COMMD10: variants seen among roughly 807,000 people sequenced by gnomAD.
COMMD10 encodes COMM domain-containing protein 10.
A neutral mutation model predicts 28.9 loss-of-function variants in COMMD10; 33 were observed. That is an observed-to-expected ratio of 1.14 (90% confidence interval 0.87 to 1.53). The LOEUF (loss-of-function observed/expected upper bound fraction) is 1.53. Ranked by LOEUF, COMMD10 falls within the 40% of genes most tolerant of loss-of-function variation. The pLI, the probability that COMMD10 is intolerant of heterozygous loss-of-function variation, is 0.00. For synonymous variants in COMMD10, 110 were observed against 81.7 expected (o/e 1.35, Z -1.87); for missense variants, 310 against 233.4 (o/e 1.33, Z -2.14).
intron 4 of COMMD10, among the ~76,000 whole-genome samples, chr5:116,099,413 G>A (rs1467188435): frequency 8.6e-6 from 1 of 116,206 alleles, no homozygotes; most frequent in Non-Finnish European, 1.9e-5. Context: ...TGAACATGAG[G>A]GTGCAGATAT....
At chr5:116,145,850 C>T (rs946276629) in intron 5 of COMMD10, among the ~76,000 whole-genome samples, 3 of 151,904 alleles carry the variant, frequency 2.0e-5, no homozygotes, top group Non-Finnish European at 4.4e-5. Flanking sequence ...CTTGCTTCCT[C>T]TTCGCCTTCT....
intron 4 of COMMD10, among the ~76,000 whole-genome samples, chr5:116,128,903 T>C (rs6887852): frequency 0.32 from 47,831 of 151,780 alleles, 10,395 homozygotes; most frequent in African/African-American, 0.62. Flanking sequence ...TTGTGACTTT[T>C]GCAGAATATC....
intron 4 of COMMD10, among the ~76,000 whole-genome samples, chr5:116,097,444 A>G (rs1460177715): frequency 6.6e-6 from 1 of 152,162 alleles, no homozygotes; most frequent in Admixed American, 6.6e-5. Flanking sequence ...GTTGCCCATG[A>G]TTGTACAGCT....
intron 5 of COMMD10, among the ~76,000 whole-genome samples, chr5:116,216,463 G>C (rs1243049048): frequency 6.6e-6 from 1 of 152,140 alleles, no homozygotes. Context: ...ATTTTCACTA[G>C]AACTATTACA....
intron 5 of COMMD10, among the ~76,000 whole-genome samples, chr5:116,255,046 G>T (rs530509799): frequency 2.3e-3 from 344 of 149,718 alleles, no homozygotes; most frequent in African/African-American, 7.2e-3. Context: ...CCTTTAGCAG[G>T]ATGTAATGGC....
chr5:116,170,430 A>C (rs1433725505), intron 5 of COMMD10, among the ~76,000 whole-genome samples: 2 of 152,360 alleles, frequency 1.3e-5, no homozygotes, highest in Non-Finnish European at 2.9e-5. Context: ...TTGTAGATTC[A>C]GTGCCATCCC....
intron 5 of COMMD10, among the ~76,000 whole-genome samples, chr5:116,217,619 G>T (rs574302280): frequency 7.9e-5 from 12 of 152,322 alleles, no homozygotes; most frequent in Admixed American, 5.9e-4. Context: ...ATGACTGGAG[G>T]TCAGGTCCCA....
intron 4 of COMMD10, among the ~76,000 whole-genome samples, chr5:116,126,123 A>G (rs1037544566): frequency 6.6e-6 from 1 of 151,930 alleles, no homozygotes; most frequent in South Asian, 2.1e-4. Flanking sequence ...AGGCATTCCT[A>G]TACGCCAATA....
chr5:116,116,734 C>T lies in COMMD10; in HGVS notation c.400-17334C>T, dbSNP rs557329582. ...TTTTTTTTTTTTTTTTTTTTTGAGA[C>T]GGAGTCTCGCTCTGTCGCCCAGGCC... On this transcript the variant is annotated intron_variant, in intron 4 of 6. Transcript: ENST00000274458. 3.0e-5 allele frequency among the ~76,000 whole-genome samples: 4 copies of T among 133,142 alleles called. No individual in the cohort carries two copies. In the East Asian group the frequency reaches 7.0e-4, roughly 23 times the overall value. The allele number at this position is 133,142 out of a possible 152,430, so 87.3% of individuals were successfully genotyped here. A position where few individuals can be genotyped will look rare whatever the true frequency, so the allele number is the denominator to read the frequency against.
chr5:116,089,201 G>A (rs941843200), intron 2 of COMMD10, among the ~76,000 whole-genome samples: 7 of 152,234 alleles, frequency 4.6e-5, no homozygotes, highest in Admixed American at 6.5e-5. Flanking sequence ...CATCTAATCC[G>A]TATGGCAACT....
At chr5:116,286,087 T>C (rs748851293) in intron 5 of COMMD10, among the ~76,000 whole-genome samples, 3 of 151,838 alleles carry the variant, frequency 2.0e-5, no homozygotes, top group Non-Finnish European at 4.4e-5. Flanking sequence ...GATTTAGTCT[T>C]AGTAGGTTGT....
rs569419772 is a variant in COMMD10, at chr5:116,145,637, A to G, written c.510+11459A>G. Among the ~76,000 whole-genome samples, 6 of 151,914 alleles carry G rather than the reference A, an allele frequency of 3.9e-5. No individual in the cohort carries two copies. In the East Asian group the frequency reaches 1.2e-3, roughly 30 times the overall value. On this transcript the variant is annotated intron_variant, in intron 5 of 6. Coordinates refer to ENST00000274458, the MANE Select transcript of COMMD10 (RefSeq NM_016144.4). ...GGCTTTGTGTCTGCACCCAGATCTCATCTTGAATTGCAATCCTCACAATCC... is the reference window on the plus strand; with the variant it reads ...GGCTTTGTGTCTGCACCCAGATCTCGTCTTGAATTGCAATCCTCACAATCC...
At chr5:116,136,636 A>T (rs1422646994) in intron 5 of COMMD10, among the ~76,000 whole-genome samples, 2 of 152,202 alleles carry the variant, frequency 1.3e-5, no homozygotes, top group African/African-American at 2.4e-5. Flanking sequence ...TAAGACAGCC[A>T]TGTTAATAAG....
intron 5 of COMMD10, among the ~76,000 whole-genome samples, chr5:116,271,935 AGATCTGACAT>A (rs1750771159): frequency 6.6e-6 from 1 of 151,884 alleles, no homozygotes; most frequent in South Asian, 2.1e-4. Flanking sequence ...TTGTTAGCTC[AGATCTGACAT>A]GAAAGTAAAA....
chr5:116,109,051 A>G (rs991825807), intron 4 of COMMD10, among the ~76,000 whole-genome samples: 2 of 152,120 alleles, frequency 1.3e-5, no homozygotes, highest in East Asian at 3.9e-4. Context: ...TCCCAGTGAG[A>G]TGAACTGGGT....
At position 116,129,382 on chromosome 5, in the gene COMMD10, T is replaced by C. The variant is rs6862620; in HGVS notation, c.400-4686T>C. Among the ~76,000 whole-genome samples, 1,004 of 138,596 alleles carry C rather than the reference T, an allele frequency of 7.2e-3. 21 individuals carry two copies. The highest frequency in any genetic ancestry group is 0.045 in the East Asian group (183 of 4,086). The allele number at this position is 138,596 out of a possible 152,430, so 90.9% of individuals were successfully genotyped here. The stretch of plus-strand genomic sequence containing the variant: ...GCTATATACTATAGTATTTTATATA[T>C]ATTAGTATATATACACTATATACTA... On this transcript the variant is annotated intron_variant, in intron 4 of 6. Coordinates refer to ENST00000274458, the MANE Select transcript of COMMD10 (RefSeq NM_016144.4).
At chr5:116,101,340 T>G (rs1750651652) in intron 4 of COMMD10, among the ~76,000 whole-genome samples, 1 of 152,142 alleles carries the variant, frequency 6.6e-6, no homozygotes, top group Non-Finnish European at 1.5e-5. Context: ...AGAGTTCCCT[T>G]TTCTATACTA....
chr5:116,177,757 C>T (rs1409162070), intron 5 of COMMD10, among the ~76,000 whole-genome samples: 2 of 152,070 alleles, frequency 1.3e-5, no homozygotes, highest in African/African-American at 4.8e-5. Context: ...TATATGCTAC[C>T]TTGTTTGCCC....
At chr5:116,085,377 G>C (rs150315442) in intron 1 of COMMD10, 2 of 423,432 alleles carry the variant, frequency 4.7e-6, no homozygotes, top group East Asian at 7.6e-5. Context: ...CTGCGTCACT[G>C]TTCGCGGAGT....
Sources: gnomAD v4.1 joint callset for allele counts (sites outside exome capture counted in the v4.1 genomes callset) on GRCh38, gnomAD v4.1.1 for gene constraint, MANE v1.5 for transcripts, NCBI Gene and HGNC (gene_info 2026-07-23, HGNC 2026-07-21) for gene names.